Variants in STXBP5 observed in about 807,000 individuals in gnomAD.
STXBP5 encodes the protein syntaxin-binding protein 5.
In STXBP5, 50 loss-of-function variants were observed where a neutral mutation model predicts 152.4. That is an observed-to-expected ratio of 0.33 (90% CI 0.26 to 0.42). The LOEUF (loss-of-function observed/expected upper bound fraction) is 0.42, where lower values mean the gene tolerates loss of function less well. Among genes scored for constraint, STXBP5 ranks in the 10% least tolerant of loss-of-function variants. The probability of loss-of-function intolerance (pLI) is 1.00; values close to 1 mark genes in which losing one functional copy is unlikely to be tolerated. For missense variants in STXBP5, 1,167 were observed against 1,388.6 expected, an observed-to-expected ratio of 0.84 and a Z score of 2.54; for synonymous variants, 492 against 494.7, an observed-to-expected ratio of 0.99 and a Z score of 0.07.
chr6:147,319,485 T>C (rs1782806060), intron 16 of STXBP5, among the ~76,000 whole-genome samples: 1 of 152,234 alleles, frequency 6.6e-6, no homozygotes, highest in Non-Finnish European at 1.5e-5. Context: ...TACATTGTTT[T>C]GAGTTACTTT....
chr6:147,305,014 C>G (rs979022709), intron 9 of STXBP5, among the ~76,000 whole-genome samples: 1 of 152,114 alleles, frequency 6.6e-6, no homozygotes, highest in Non-Finnish European at 1.5e-5. Flanking sequence ...CACATTCCCC[C>G]CACAAACCCA....
At chr6:147,349,535 G>T (rs955591579) in intron 21 of STXBP5, among the ~76,000 whole-genome samples, 3 of 152,122 alleles carry the variant, frequency 2.0e-5, no homozygotes, top group Admixed American at 2.0e-4. Flanking sequence ...AATGTTTGGG[G>T]AACATCTTGT....
chr6:147,241,416 C>T (rs771993496), intron 4 of STXBP5, among the ~76,000 whole-genome samples: 4 of 152,100 alleles, frequency 2.6e-5, no homozygotes, highest in Admixed American at 1.3e-4. Context: ...TTTCACTGAC[C>T]GAAAAACCAA....
chr6:147,268,251 T>C (rs1779988987), intron 7 of STXBP5, among the ~76,000 whole-genome samples: 1 of 152,204 alleles, frequency 6.6e-6, no homozygotes, highest in South Asian at 2.1e-4. Flanking sequence ...AAATTTAGAA[T>C]AAGGTATTTT....
At position 147,386,988 on chromosome 6, in the gene STXBP5, A is replaced by T. The variant is rs961353790; in HGVS notation, c.*2233A>T. 1 of 151,842 alleles carries T rather than the reference A, an allele frequency of 6.6e-6. No individual in the cohort carries two copies. Among genetic ancestry groups the T allele is most frequent in the Non-Finnish European group, 1.5e-5 (1 of 67,774 alleles). The allele number at this position is 151,842 out of a possible 1,614,324, so 9.4% of individuals were successfully genotyped here. A position where few individuals can be genotyped will look rare whatever the true frequency, so the allele number is the denominator to read the frequency against. ...ACTAATCTTGTAATTATTTTCAAAT[A>T]TAGAAGTATATACATTAGATGGATT... On this transcript the variant is annotated 3_prime_UTR_variant, in exon 28 of 28. Transcript: ENST00000321680.
chr6:147,332,062 G>A (rs1463954672), intron 18 of STXBP5, among the ~76,000 whole-genome samples: 2 of 152,168 alleles, frequency 1.3e-5, no homozygotes, highest in Admixed American at 6.5e-5. Context: ...TAGCTAATTG[G>A]GTTGAGTGAG....
intron 21 of STXBP5, among the ~76,000 whole-genome samples, chr6:147,352,382 T>A (rs1784627791): frequency 6.6e-6 from 1 of 152,136 alleles, no homozygotes; most frequent in African/African-American, 2.4e-5. Flanking sequence ...ACTCCTGTAA[T>A]CCCAGCACTT....
intron 18 of STXBP5, 50 bp downstream of exon 18, chr6:147,327,326 C>T: frequency 6.4e-7 from 1 of 1,574,118 alleles, no homozygotes; most frequent in Non-Finnish European, 8.6e-7. Context: ...TCTATAAATG[C>T]TGGCTTACTT....
At chr6:147,316,488 C>A (rs1469738492) in intron 16 of STXBP5, 81 bp downstream of exon 16, 1 of 1,253,830 alleles carries the variant, frequency 8.0e-7, no homozygotes, top group Non-Finnish European at 1.0e-6. Flanking sequence ...GCTATGGTAA[C>A]ATTTTCTTTT....
At chr6:147,380,797 A>G (rs1786049419) in intron 26 of STXBP5, among the ~76,000 whole-genome samples, 1 of 152,196 alleles carries the variant, frequency 6.6e-6, no homozygotes, top group Non-Finnish European at 1.5e-5. Flanking sequence ...TCCAGAATAT[A>G]TTAAGAACTC....
intron 2 of STXBP5, among the ~76,000 whole-genome samples, chr6:147,217,776 G>A (rs763511805): frequency 2.0e-5 from 3 of 152,104 alleles, no homozygotes; most frequent in Non-Finnish European, 4.4e-5. Context: ...AAACAAAAAA[G>A]CAGTTGACCG....
intron 8 of STXBP5, among the ~76,000 whole-genome samples, chr6:147,281,625 G>A (rs1378659792): frequency 6.6e-6 from 1 of 152,034 alleles, no homozygotes; most frequent in Non-Finnish European, 1.5e-5. Context: ...TCTTATTTAA[G>A]TTCATCTAAT....
At chr6:147,339,137 C>T (rs1458436969) in intron 19 of STXBP5, 42 bp from the exon 20 acceptor site, 6 of 1,489,118 alleles carry the variant, frequency 4.0e-6, no homozygotes, top group South Asian at 1.3e-5. Context: ...GTATTTATGA[C>T]TGACCATCTA....
intron 9 of STXBP5, among the ~76,000 whole-genome samples, chr6:147,305,449 T>G (rs1782041636): frequency 6.6e-6 from 1 of 152,188 alleles, no homozygotes; most frequent in Admixed American, 6.5e-5. Context: ...TTTGGTAGAT[T>G]AAAAAACTTA....
intron 18 of STXBP5, among the ~76,000 whole-genome samples, chr6:147,333,257 C>T (rs1783668008): frequency 1.3e-5 from 2 of 152,246 alleles, no homozygotes; most frequent in East Asian, 1.9e-4. Flanking sequence ...CATGGTGGCT[C>T]ACACCTGTAA....
chr6:147,321,102 A>G (rs1036011466), intron 16 of STXBP5, among the ~76,000 whole-genome samples: 8 of 152,200 alleles, frequency 5.3e-5, no homozygotes, highest in African/African-American at 1.9e-4. Context: ...TAAAATCTAT[A>G]TATTAGTGAT....
At chr6:147,373,250 C>T (rs925205663) in intron 25 of STXBP5, among the ~76,000 whole-genome samples, 1 of 150,962 alleles carries the variant, frequency 6.6e-6, no homozygotes, top group Non-Finnish European at 1.5e-5. Flanking sequence ...CCTGTAATCC[C>T]AGCTAGTCAG....
intron 16 of STXBP5, among the ~76,000 whole-genome samples, chr6:147,317,099 A>G (rs1782682799): frequency 6.6e-6 from 1 of 152,194 alleles, no homozygotes; most frequent in Non-Finnish European, 1.5e-5. Context: ...TTCTGGTAGC[A>G]CTCAGAGAGA....
chr6:147,327,407 A>G (rs772437703), intron 18 of STXBP5, 131 bp downstream of exon 18: 178 of 1,098,140 alleles, frequency 1.6e-4, no homozygotes, highest in Non-Finnish European at 2.1e-4. Context: ...ACTGCCAAAA[A>G]CTAGCAAAAG....
Sources: allele counts gnomAD v4.1 joint callset (sites outside exome capture counted in the v4.1 genomes callset), GRCh38; gene constraint gnomAD v4.1.1; transcripts MANE v1.5; gene names NCBI Gene and HGNC (gene_info 2026-07-23, HGNC 2026-07-21).